Variants in EPS8 observed in about 807,000 individuals in gnomAD.
EPS8 encodes epidermal growth factor receptor kinase substrate 8.
In EPS8, 42 loss-of-function variants were observed where a neutral mutation model predicts 103.8. That is an observed-to-expected ratio of 0.40 (90% confidence interval 0.32 to 0.52). The LOEUF is 0.52. EPS8 is among the 20% of genes least tolerant of loss of function. The pLI is 0.40. For synonymous variants in EPS8, 344 were observed against 344.6 expected, an observed-to-expected ratio of 1.00 and a Z score of 0.02; for missense variants, 969 against 1,005.1, an observed-to-expected ratio of 0.96 and a Z score of 0.49.
chr12:15,687,598 C>G (rs1439401024), intron 1 of EPS8, among the ~76,000 whole-genome samples: 2 of 152,134 alleles, frequency 1.3e-5, no homozygotes, highest in East Asian at 3.8e-4. Flanking sequence ...AAGAAAACTA[C>G]TTATAACAAA....
chr12:15,741,511 T>C (rs1361190384), intron 1 of EPS8, among the ~76,000 whole-genome samples: 2 of 152,182 alleles, frequency 1.3e-5, no homozygotes, highest in Admixed American at 1.3e-4. Flanking sequence ...AACCCCCACA[T>C]TTCATTTTGT....
At chr12:15,666,743 T>A (rs1945719289) in intron 6 of EPS8, among the ~76,000 whole-genome samples, 1 of 152,184 alleles carries the variant, frequency 6.6e-6, no homozygotes, top group African/African-American at 2.4e-5. Context: ...TTAATGATTA[T>A]CTTAAAGGGA....
At position 15,759,022 on chromosome 12, in the gene EPS8, T is replaced by A. The variant is rs1947015484; in HGVS notation, c.-22+30139A>T. Among the ~76,000 whole-genome samples the A allele has an allele frequency of 6.6e-6, 1 of 152,100 alleles. No homozygotes were observed. Among genetic ancestry groups the A allele is most frequent in the South Asian group, 2.1e-4 (1 of 4,836 alleles). On this transcript the variant is annotated intron_variant, in intron 1 of 20. Coordinates refer to ENST00000281172, the MANE Select transcript of EPS8 (RefSeq NM_004447.6). This position sits in a 1 kb window ranked among gnomAD's most constrained non-coding sequence, Gnocchi z 4.9. Reference sequence around the variant, plus strand: ...TGGATTCTGGATTCTTCTACAGATTTTTTTTTAAAATTTTTTAATTAAAAG... The same window carrying A: ...TGGATTCTGGATTCTTCTACAGATTATTTTTTAAAATTTTTTAATTAAAAG...
Position 15,660,702 on chromosome 12 carries a change from A to T in EPS8, c.849T>A (p.Phe283Leu). The T allele has an allele frequency of 6.2e-7, 1 of 1,610,828 alleles. No individual in the cohort carries two copies. Among genetic ancestry groups the T allele is most frequent in the Non-Finnish European group, 8.5e-7 (1 of 1,177,484 alleles). ...CTGCTGCTTTTTGGAGTTTTGTGAT[A>T]AAAAATTCAATGTCATCCAAAATGT... is the stretch of plus-strand genomic sequence containing the variant. ...LNHILDDIEF[F>L]ITKLQKAAEA... is the part of the protein sequence containing the mutation. Residue 283 changes from phenylalanine (F) to leucine (L), a missense_variant, in exon 10 of 21, where the codon TTT becomes TTA. Coordinates refer to ENST00000281172, the MANE Select transcript of EPS8 (RefSeq NM_004447.6).
At chr12:15,631,377 C>T in intron 18 of EPS8, 65 bp downstream of exon 18, 1 of 1,598,856 alleles carries the variant, frequency 6.3e-7, no homozygotes, top group Non-Finnish European at 8.5e-7. Flanking sequence ...CAGCAGTAAA[C>T]AATATTTTAC....
intron 1 of EPS8, among the ~76,000 whole-genome samples, chr12:15,766,593 G>A (rs1430569061): frequency 6.6e-6 from 1 of 150,964 alleles, no homozygotes; most frequent in Non-Finnish European, 1.5e-5. Flanking sequence ...CAGGAGAATT[G>A]CCTGAACCCA....
At chr12:15,753,813 T>C (rs1010549168) in intron 1 of EPS8, among the ~76,000 whole-genome samples, 2 of 152,254 alleles carry the variant, frequency 1.3e-5, no homozygotes, top group Non-Finnish European at 2.9e-5. Context: ...ATTTTATTAA[T>C]TTGATACTTT....
At chr12:15,723,437 T>C (rs1057430889) in intron 1 of EPS8, among the ~76,000 whole-genome samples, 6 of 152,246 alleles carry the variant, frequency 3.9e-5, no homozygotes, top group Non-Finnish European at 7.3e-5. Context: ...CTTGCTGATT[T>C]TTCATCTTTT....
chr12:15,638,159 G>GCCCA (rs2135747315), intron 17 of EPS8, among the ~76,000 whole-genome samples: 1 of 152,034 alleles, frequency 6.6e-6, no homozygotes, highest in African/African-American at 2.4e-5. Flanking sequence ...GTAGATATGG[G>GCCCA]TATCTACTGT....
rs1294424282 is a variant in EPS8 at position 15,695,305 on chromosome 12, C to A, written c.-21-12333G>T. On this transcript the variant is annotated intron_variant, in intron 1 of 20. Transcript: ENST00000281172. The surrounding 1 kb of genome is among the most constrained non-coding windows in gnomAD (Gnocchi z 5.0). ...AAGATTCATTCAACATTAATTGGCA[C>A]CTGCCAATCTGAGTACTACTTCATT... 6.6e-6 allele frequency among the ~76,000 whole-genome samples: 1 copy of A among 152,218 alleles called. No individual in the cohort carries two copies. The highest frequency in any genetic ancestry group is 1.5e-5 in the Non-Finnish European group (1 of 68,038).
At chr12:15,711,258 ATACC>A (rs1429078855) in intron 1 of EPS8, among the ~76,000 whole-genome samples, 1 of 152,078 alleles carries the variant, frequency 6.6e-6, no homozygotes, top group East Asian at 1.9e-4. Context: ...TCCAAGGTTC[ATACC>A]TACCTTGACG....
rs1213390873 is a variant in EPS8 at position 15,695,493 on chromosome 12, C to A, written c.-21-12521G>T. Among the ~76,000 whole-genome samples, 2 of 152,142 alleles carry A rather than the reference C, an allele frequency of 1.3e-5. No homozygotes were observed. Among genetic ancestry groups the A allele is most frequent in the African/African-American group, 2.4e-5 (1 of 41,418 alleles). On this transcript the variant is annotated intron_variant, in intron 1 of 20. Transcript: ENST00000281172. The surrounding 1 kb of genome is among the most constrained non-coding windows in gnomAD (Gnocchi z 5.0). ...TTGAGCACTTGAAATGTGGCTAGTGCCACTAAGAAACTGAATTTTAAGTTT... is the reference window on the plus strand; with the variant it reads ...TTGAGCACTTGAAATGTGGCTAGTGACACTAAGAAACTGAATTTTAAGTTT...
At chr12:15,724,797 T>C (rs904524050) in intron 1 of EPS8, among the ~76,000 whole-genome samples, 1 of 152,176 alleles carries the variant, frequency 6.6e-6, no homozygotes, top group Admixed American at 6.6e-5. Context: ...GACATGCCTT[T>C]CACCTTCTGC....
rs927348067 is a variant in EPS8, at chr12:15,721,196, C to G, written c.-21-38224G>C. ...AAGAAAGCAAGAAAATACTATAACACAAATACCACAACAGAGTAACTCAAA... is the reference window on the plus strand; with the variant it reads ...AAGAAAGCAAGAAAATACTATAACAGAAATACCACAACAGAGTAACTCAAA... On this transcript the variant is annotated intron_variant, in intron 1 of 20. Transcript: ENST00000281172. This position sits in a 1 kb window ranked among gnomAD's most constrained non-coding sequence, Gnocchi z 4.4. 1.3e-5 allele frequency among the ~76,000 whole-genome samples: 2 copies of G among 152,258 alleles called. No homozygotes were observed. The highest frequency in any genetic ancestry group is 4.8e-5 in the African/African-American group (2 of 41,548).
At chr12:15,644,914 C>T (rs1945295509) in intron 15 of EPS8, among the ~76,000 whole-genome samples, 1 of 152,024 alleles carries the variant, frequency 6.6e-6, no homozygotes, top group African/African-American at 2.4e-5. Context: ...ATCAATGATT[C>T]ATGTATTTAT....
rs566306643 is a variant in EPS8 at position 15,685,301 on chromosome 12, G to A, written c.-21-2329C>T. On this transcript the variant is annotated intron_variant, in intron 1 of 20. Coordinates refer to ENST00000281172, the MANE Select transcript of EPS8 (RefSeq NM_004447.6). ...AAATAGAGATAATTCTTCGTCTTCC[G>A]AGCTCACAGTGCTAGTGTAAAGATG... is the stretch of plus-strand genomic sequence containing the variant. Among the ~76,000 whole-genome samples the A allele has an allele frequency of 4.6e-4, 70 of 152,172 alleles. 1 individual carries two copies. The highest frequency in any genetic ancestry group is 1.6e-3 in the African/African-American group (68 of 41,536).
chr12:15,644,688 A>G lies in EPS8; in HGVS notation c.1568+2439T>C, dbSNP rs1565475981. 2.7e-5 allele frequency among the ~76,000 whole-genome samples: 3 copies of G among 109,958 alleles called. No homozygotes were observed. The South Asian group carries it at 1.1e-3, about 39-fold the overall frequency. The allele number at this position is 109,958 out of a possible 152,430, so 72.1% of individuals were successfully genotyped here. ...ACTCCAGCCTGGGCGACAGAGCAAG[A>G]CTCTGTCTCAAAAAAAAAAAAAAAA... On this transcript the variant is annotated intron_variant, in intron 15 of 20. Transcript: ENST00000281172.
At chr12:15,768,230 G>C (rs1364818309) in intron 1 of EPS8, among the ~76,000 whole-genome samples, 1 of 151,936 alleles carries the variant, frequency 6.6e-6, no homozygotes, top group Non-Finnish European at 1.5e-5. Flanking sequence ...ACGAGGTCAG[G>C]AGTTCAAGAC....
rs1204153930 is a variant in EPS8 at position 15,757,586 on chromosome 12, C to T, written c.-22+31575G>A. On this transcript the variant is annotated intron_variant, in intron 1 of 20. Transcript: ENST00000281172. This position sits in a 1 kb window ranked among gnomAD's most constrained non-coding sequence, Gnocchi z 4.1. Reference sequence around the variant, plus strand: ...CAGAAGTTGCAGTGAGTTGAGATCGCGCCACTGCACTCCAGCCTGGCAACA... The same window carrying T: ...CAGAAGTTGCAGTGAGTTGAGATCGTGCCACTGCACTCCAGCCTGGCAACA... Among the ~76,000 whole-genome samples, 3 of 151,660 alleles carry T rather than the reference C, an allele frequency of 2.0e-5. No homozygotes were observed. The highest frequency in any genetic ancestry group is 2.9e-5 in the Non-Finnish European group (2 of 67,964).
Sources: gnomAD v4.1 joint callset for allele counts (sites outside exome capture counted in the v4.1 genomes callset) on GRCh38, gnomAD v4.1.1 for gene constraint, Gnocchi (gnomAD v3.1) non-coding constraint, MANE v1.5 for transcripts, NCBI Gene and HGNC (gene_info 2026-07-23, HGNC 2026-07-21) for gene names.